Variants in EFNA5 observed in about 807,000 individuals in gnomAD.
EFNA5 encodes ephrin A5.
Under a neutral mutation model 22.9 loss-of-function variants are expected in EFNA5, and 5 were observed. The observed-to-expected ratio is 0.22, with a 90% confidence interval of 0.11 to 0.46. The LOEUF (loss-of-function observed/expected upper bound fraction) is 0.46. Ranked by LOEUF, EFNA5 falls within the 20% of genes least tolerant of loss-of-function variation. The probability of loss-of-function intolerance (pLI) is 0.99; values close to 1 mark genes in which losing one functional copy is unlikely to be tolerated. For synonymous variants in EFNA5, 113 were observed against 112.2 expected (o/e 1.01, Z -0.04); for missense variants, 237 against 293.3 (o/e 0.81, Z 1.40).
At chr5:107,483,686 C>T (rs1279600855) in intron 1 of EFNA5, among the ~76,000 whole-genome samples, 1 of 152,218 alleles carries the variant, frequency 6.6e-6, no homozygotes, top group African/African-American at 2.4e-5. Flanking sequence ...TCTTAAAATA[C>T]TGCTCACAAG....
intron 1 of EFNA5, among the ~76,000 whole-genome samples, chr5:107,593,456 T>TA (rs1749416935): frequency 6.6e-6 from 1 of 152,192 alleles, no homozygotes; most frequent in South Asian, 2.1e-4. Flanking sequence ...GCTTCTGACT[T>TA]AAAGTCCAAC....
intron 1 of EFNA5, among the ~76,000 whole-genome samples, chr5:107,444,436 T>C (rs1462167705): frequency 6.6e-6 from 1 of 152,256 alleles, no homozygotes; most frequent in Non-Finnish European, 1.5e-5. Context: ...CTTGCATCTA[T>C]AGCCTATTTA....
intron 2 of EFNA5, among the ~76,000 whole-genome samples, chr5:107,424,631 T>C (rs182876223): frequency 1.3e-5 from 2 of 152,276 alleles, no homozygotes; most frequent in East Asian, 3.9e-4. Flanking sequence ...GTGAAGCTTG[T>C]TCCTGAGATC....
intron 1 of EFNA5, among the ~76,000 whole-genome samples, chr5:107,465,019 T>G (rs2112459531): frequency 6.6e-6 from 1 of 151,864 alleles, no homozygotes; most frequent in South Asian, 2.1e-4. Context: ...AAGCACGGCC[T>G]AAGGGTTTAC....
At chr5:107,602,788 G>C (rs571437175) in intron 1 of EFNA5, among the ~76,000 whole-genome samples, 1 of 151,974 alleles carries the variant, frequency 6.6e-6, no homozygotes, top group Non-Finnish European at 1.5e-5. Context: ...GTTCCCAGTC[G>C]TTAGACGTGG....
rs79022194 is a variant in EFNA5 at position 107,485,718 on chromosome 5, T to G, written c.126-58209A>C. Among the ~76,000 whole-genome samples, 626 of 152,222 alleles carry G rather than the reference T, an allele frequency of 4.1e-3. 3 individuals are homozygous for G. The highest frequency in any genetic ancestry group is 0.015 in the African/African-American group (605 of 41,540). ...CACTTATTTTAAAAGTCAGGCTTAG[T>G]AGGAAAGAAAAAGTCAAAGAGATTG... is the stretch of plus-strand genomic sequence containing the variant. On this transcript the variant is annotated intron_variant, in intron 1 of 4. Coordinates refer to ENST00000333274, the MANE Select transcript of EFNA5 (RefSeq NM_001962.3).
At chr5:107,459,831 A>G (rs796110348) in intron 1 of EFNA5, among the ~76,000 whole-genome samples, 42 of 152,276 alleles carry the variant, frequency 2.8e-4, no homozygotes, top group African/African-American at 9.9e-4. Context: ...ACATCAGATG[A>G]TAAGGGCAGC....
intron 1 of EFNA5, among the ~76,000 whole-genome samples, chr5:107,623,796 T>C (rs1186809904): frequency 6.6e-6 from 1 of 152,128 alleles, no homozygotes; most frequent in African/African-American, 2.4e-5. Context: ...TGCTAATTCT[T>C]TCTCCAGTCA....
At chr5:107,548,064 TAGA>T (rs1275202559) in intron 1 of EFNA5, among the ~76,000 whole-genome samples, 1 of 152,338 alleles carries the variant, frequency 6.6e-6, no homozygotes, top group East Asian at 1.9e-4. Flanking sequence ...AGAAAGATTC[TAGA>T]AGAAGCCATA....
chr5:107,544,675 T>C (rs1038507452), intron 1 of EFNA5, among the ~76,000 whole-genome samples: 1 of 152,170 alleles, frequency 6.6e-6, no homozygotes, highest in African/African-American at 2.4e-5. Context: ...CCCTCCTCAG[T>C]GTTCTTGGGA....
chr5:107,636,584 T>C (rs1260322420), intron 1 of EFNA5, among the ~76,000 whole-genome samples: 2 of 152,240 alleles, frequency 1.3e-5, no homozygotes, highest in African/African-American at 4.8e-5. Context: ...TTAAGGTATG[T>C]ATTTCCAGAA....
In EFNA5 at chr5:107,592,482, T is replaced by C. The variant is rs562724741; in HGVS notation, c.125+78007A>G. 5.3e-5 allele frequency among the ~76,000 whole-genome samples: 8 copies of C among 152,284 alleles called. No homozygotes were observed. The South Asian group carries it at 1.7e-3, about 32-fold the overall frequency. ...TTTAAATAGTCTATGAATACTCTCA[T>C]GTTTTTAATCTGAAAAAAAGACCTC... On this transcript the variant is annotated intron_variant, in intron 1 of 4. Coordinates refer to ENST00000333274, the MANE Select transcript of EFNA5 (RefSeq NM_001962.3).
chr5:107,543,370 A>C (rs576105245), intron 1 of EFNA5, among the ~76,000 whole-genome samples: 109 of 152,364 alleles, frequency 7.2e-4, no homozygotes, highest in African/African-American at 2.5e-3. Context: ...TGACGTTGTC[A>C]ATCATTTTCT....
intron 4 of EFNA5, among the ~76,000 whole-genome samples, chr5:107,382,774 T>A (rs1195809070): frequency 1.3e-5 from 2 of 152,276 alleles, no homozygotes; most frequent in Non-Finnish European, 2.9e-5. Context: ...CCTGCAGGTG[T>A]TCAGCAGTTG....
chr5:107,641,132 T>C (rs1407237312), intron 1 of EFNA5, among the ~76,000 whole-genome samples: 3 of 151,920 alleles, frequency 2.0e-5, no homozygotes, highest in Admixed American at 6.6e-5. Context: ...CCAAGGCAGG[T>C]GGATTGCTTG....
intron 1 of EFNA5, among the ~76,000 whole-genome samples, chr5:107,607,825 C>G (rs759419454): frequency 7.2e-5 from 11 of 152,054 alleles, no homozygotes; most frequent in Non-Finnish European, 1.2e-4. Flanking sequence ...GTGCATGACC[C>G]ACATCTATAA....
rs1258785481 is a variant in EFNA5 at position 107,520,333 on chromosome 5, C to G, written c.126-92824G>C. Among the ~76,000 whole-genome samples, 63 of 152,128 alleles carry G rather than the reference C, an allele frequency of 4.1e-4. 2 individuals are homozygous for G. Among genetic ancestry groups the G allele is most frequent in the Admixed American group, 4.1e-3 (63 of 15,250 alleles). On this transcript the variant is annotated intron_variant, in intron 1 of 4. Transcript: ENST00000333274. ...AGGGTGGGGCCCTTCACTCTCAATA[C>G]AATAAAGTCCTCTTAAGAAAGAATT...
At chr5:107,666,434 C>T (rs959315978) in intron 1 of EFNA5, among the ~76,000 whole-genome samples, 3 of 152,038 alleles carry the variant, frequency 2.0e-5, no homozygotes, top group Non-Finnish European at 4.4e-5. Flanking sequence ...TCCAAGATTA[C>T]GTGTTAACAA....
chr5:107,477,651 A>T (rs1316980574), intron 1 of EFNA5, among the ~76,000 whole-genome samples: 1 of 152,166 alleles, frequency 6.6e-6, no homozygotes, highest in East Asian at 1.9e-4. Flanking sequence ...TAACTAAGCC[A>T]CAGGTGAAAG....
Sources: gnomAD v4.1 joint callset for allele counts (sites outside exome capture counted in the v4.1 genomes callset) on GRCh38, gnomAD v4.1.1 for gene constraint, MANE v1.5 for transcripts, NCBI Gene and HGNC (gene_info 2026-07-23, HGNC 2026-07-21) for gene names.